Variants in CFB observed in about 807,000 individuals in gnomAD.
CFB encodes the protein B-factor, properdin.
Under a neutral mutation model 97.2 loss-of-function variants are expected in CFB, and 59 were observed. The ratio of observed to expected loss-of-function variants is 0.61; its 90% CI spans 0.49 to 0.75. CFB has a LOEUF of 0.75. Among genes scored for constraint, CFB ranks in the 30% least tolerant of loss-of-function variants. The pLI is 0.00. For synonymous variants in CFB, 316 were observed against 351.7 expected (o/e 0.90, Z 1.14); for missense variants, 771 against 959.8 (o/e 0.80, Z 2.60).
In CFB at chr6:31,949,241, AGG is replaced by A; in HGVS notation, c.1169-1_1169del. On this transcript the variant is annotated splice_acceptor_variant and coding_sequence_variant, in exon 9 of 18. Transcript: ENST00000425368. LOFTEE classifies it high-confidence loss of function. ...ACCCTCATGGTCCTGTCTCTTCTGCAGGATTGCACAACATGGGCGGGGACCCA... is the reference window on the plus strand; with the variant it reads ...ACCCTCATGGTCCTGTCTCTTCTGCAATTGCACAACATGGGCGGGGACCCA... The A allele has an allele frequency of 6.2e-7, 1 of 1,614,010 alleles. No individual in the cohort carries two copies.
Position 31,946,143 on chromosome 6 carries a change from T to C in CFB, c.-79T>C. On this transcript the variant is annotated 5_prime_UTR_variant, in exon 1 of 18. Transcript: ENST00000425368. This position sits in a 1 kb window ranked among gnomAD's most constrained non-coding sequence, Gnocchi z 6.4. ...AGGTCTGGAGTTTCAGCTTGGACACTGAGCCAAGCAGACAAGCAAAGCAAG... is the reference window on the plus strand; with the variant it reads ...AGGTCTGGAGTTTCAGCTTGGACACCGAGCCAAGCAGACAAGCAAAGCAAG... 2.7e-6 allele frequency: 4 copies of C among 1,466,572 alleles called. No homozygotes were observed. The highest frequency in any genetic ancestry group is 3.8e-6 in the Non-Finnish European group (4 of 1,047,458). The allele number at this position is 1,466,572 out of a possible 1,614,324, so 90.8% of individuals were successfully genotyped here.
chr6:31,949,101 C>T (rs1771604524), intron 8 of CFB, 140 bp downstream of exon 8: 8 of 1,438,170 alleles, frequency 5.6e-6, no homozygotes, highest in Admixed American at 5.5e-5. Context: ...CTCCTGTGAC[C>T]CTTCATAAGG....
In CFB at chr6:31,949,502, T is replaced by C. The variant is rs375168705; in HGVS notation, c.1353T>C (p.His451=). 89 of 1,613,720 alleles carry C rather than the reference T, an allele frequency of 5.5e-5. No homozygotes were observed. Among genetic ancestry groups the C allele is most frequent in the African/African-American group, 1.3e-4 (10 of 74,918 alleles). The change falls in exon 10 of 18, where the codon CAT becomes CAC. Residue 451 remains histidine, a synonymous_variant. Transcript: ENST00000425368. ...CTTCCAAGAAAGACAATGAGCAACATGTGTTCAAAGTCAAGGATATGGAAA... is the reference window on the plus strand; with the variant it reads ...CTTCCAAGAAAGACAATGAGCAACACGTGTTCAAAGTCAAGGATATGGAAA... ...ALASKKDNEQ[H]VFKVKDMENL... is the part of the protein sequence containing the mutation.
In CFB at chr6:31,946,622, G is replaced by C. The variant is rs1210135188; in HGVS notation, c.298+16G>C. The C allele has an allele frequency of 6.3e-7, 1 of 1,599,252 alleles. No individual in the cohort carries two copies. The highest frequency in any genetic ancestry group is 8.5e-7 in the Non-Finnish European group (1 of 1,176,064). On this transcript the variant is annotated intron_variant, in intron 2 of 17. Transcript: ENST00000425368. The surrounding 1 kb of genome is among the most constrained non-coding windows in gnomAD (Gnocchi z 6.4). ...GAGTGCAGAGGTTTGAGGGCAATGA[G>C]TGTGGGCAGTGGCCTAAGGCAGAAA... is the stretch of plus-strand genomic sequence containing the variant.
Position 31,946,467 on chromosome 6 carries a change from A to G in CFB, c.159A>G (p.Gln53=). ...EIKGGSFRLL[Q]EGQALEYVCP... is the part of the protein sequence containing the mutation. ...AAGGCGGCTCCTTCCGACTTCTCCA[A>G]GAGGGCCAGGCACTGGAGTACGTGT... The change falls in exon 2 of 18, where the codon CAA becomes CAG. Residue 53 remains glutamine (Q), a synonymous_variant. Transcript: ENST00000425368. This position sits in a 1 kb window ranked among gnomAD's most constrained non-coding sequence, Gnocchi z 6.4. The G allele has an allele frequency of 6.2e-7, 1 of 1,613,032 alleles. No homozygotes were observed.
At position 31,947,263 on chromosome 6, in the gene CFB, C is replaced by G; in HGVS notation, c.484+71C>G. 6.2e-7 allele frequency: 1 copy of G among 1,610,812 alleles called. No individual in the cohort carries two copies. The highest frequency in any genetic ancestry group is 8.5e-7 in the Non-Finnish European group (1 of 1,179,238). On this transcript the variant is annotated intron_variant, in intron 3 of 17. Transcript: ENST00000425368. This position sits in a 1 kb window ranked among gnomAD's most constrained non-coding sequence, Gnocchi z 5.3. ...CCCAGCCCGAGGAGTGGGCACTCGG[C>G]TCCGGACACTGTAACTCTTGCTCTC...
chr6:31,950,842 T>C, intron 13 of CFB, 26 bp from the exon 14 acceptor site: 1 of 1,612,962 alleles, frequency 6.2e-7, no homozygotes, highest in Non-Finnish European at 8.5e-7. Flanking sequence ...GCAGGCCTGG[T>C]TTGCTGTTCT....
At chr6:31,949,070 C>G in intron 8 of CFB, 109 bp downstream of exon 8, 1 of 1,530,634 alleles carries the variant, frequency 6.5e-7, no homozygotes, top group East Asian at 2.3e-5. Context: ...CTGAATGTGA[C>G]TCATAGCTGG....
At position 31,951,217 on chromosome 6, in the gene CFB, G is replaced by A. The variant is rs1269821965; in HGVS notation, c.1929G>A (p.Lys643=). 2.5e-6 allele frequency: 4 copies of A among 1,613,110 alleles called. No individual in the cohort carries two copies. Among genetic ancestry groups the A allele is most frequent in the Admixed American group, 1.7e-5 (1 of 60,020 alleles). ...AGGAGGAGAAAAAGCTGACTCGGAA[G>A]GAGGTCTACATCAAGAATGGGGATA... is the stretch of plus-strand genomic sequence containing the variant. ...VSEEEKKLTR[K]EVYIKNGDKK... The change falls in exon 15 of 18, where the codon AAG becomes AAA. Residue 643 remains lysine (K), a synonymous_variant. Coordinates refer to ENST00000425368, the MANE Select transcript of CFB (RefSeq NM_001710.6). This position sits in a 1 kb window ranked among gnomAD's most constrained non-coding sequence, Gnocchi z 4.3.
chr6:31,950,000 T>C (rs766388952), intron 10 of CFB, 50 bp from the exon 11 acceptor site: 10 of 1,576,548 alleles, frequency 6.3e-6, no homozygotes, highest in South Asian at 1.1e-5. Context: ...GCTGCTGCCA[T>C]TTGGGAATGA....
chr6:31,948,533 G>C, intron 7 of CFB, 21 bp downstream of exon 7: 1 of 1,613,900 alleles, frequency 6.2e-7, no homozygotes, highest in East Asian at 2.2e-5. Context: ...AGGGAATGGT[G>C]GGAGGTTCAC....
chr6:31,951,639 A>G lies in CFB; in HGVS notation c.2139+35A>G, dbSNP rs200620135. 3.7e-6 allele frequency: 6 copies of G among 1,613,900 alleles called. No homozygotes were observed. The highest frequency in any genetic ancestry group is 1.1e-5 in the South Asian group (1 of 91,084). On this transcript the variant is annotated intron_variant, in intron 17 of 17. Coordinates refer to ENST00000425368, the MANE Select transcript of CFB (RefSeq NM_001710.6). This position sits in a 1 kb window ranked among gnomAD's most constrained non-coding sequence, Gnocchi z 4.3. ...CCCTTTCCTATCTGGGGAGATGCCA[A>G]GTGGTCAGCATGGGCCCCAAAGCAG...
In CFB at chr6:31,947,296, C is replaced by T; in HGVS notation, c.485-52C>T. On this transcript the variant is annotated intron_variant, in intron 3 of 17. Transcript: ENST00000425368. This position sits in a 1 kb window ranked among gnomAD's most constrained non-coding sequence, Gnocchi z 5.3. ...ACTGTAACTCTTGCTCTCTACCTTG[C>T]TCACGGGGCCTCAGGCTTCAGTGCT... 1 of 1,612,052 alleles carries T rather than the reference C, an allele frequency of 6.2e-7. No homozygotes were observed. Among genetic ancestry groups the T allele is most frequent in the Non-Finnish European group, 8.5e-7 (1 of 1,179,746 alleles).
intron 10 of CFB, 31 bp downstream of exon 10, chr6:31,949,588 A>G: frequency 6.2e-7 from 1 of 1,611,772 alleles, no homozygotes; most frequent in Non-Finnish European, 8.5e-7. Context: ...AAAGAACACA[A>G]CTCTCCTCAG....
In CFB at chr6:31,946,213, T is replaced by G. The variant is rs1199355149; in HGVS notation, c.-9T>G. On this transcript the variant is annotated 5_prime_UTR_variant, in exon 1 of 18. Coordinates refer to ENST00000425368, the MANE Select transcript of CFB (RefSeq NM_001710.6). The surrounding 1 kb of genome is among the most constrained non-coding windows in gnomAD (Gnocchi z 6.4). ...CCCAGGCCCAGCTTCTCTCCTGCCT[T>G]CCAACGCCATGGGGAGCAATCTCAG... The G allele has an allele frequency of 8.1e-6, 13 of 1,612,950 alleles. No individual in the cohort carries two copies. Among genetic ancestry groups the G allele is most frequent in the Non-Finnish European group, 1.1e-5 (13 of 1,180,026 alleles).
At position 31,951,262 on chromosome 6, in the gene CFB, TAAG is replaced by T; in HGVS notation, c.1956+19_1956+21del. On this transcript the variant is annotated intron_variant, in intron 15 of 17. Coordinates refer to ENST00000425368, the MANE Select transcript of CFB (RefSeq NM_001710.6). This position sits in a 1 kb window ranked among gnomAD's most constrained non-coding sequence, Gnocchi z 4.3. ...GGGATAAGGTGAGAAACGGGCATCC[TAAG>T]GAGGCACTCTAGGCCCCAATCCTTC... The T allele has an allele frequency of 1.2e-6, 2 of 1,613,324 alleles. No homozygotes were observed. Among genetic ancestry groups the T allele is most frequent in the South Asian group, 1.1e-5 (1 of 91,086 alleles).
At position 31,951,086 on chromosome 6, in the gene CFB, G is replaced by A; in HGVS notation, c.1856-58G>A. ...TAGGGGACATCTACTGAGTGACAAA[G>A]GCAATGGGGAGATGACAGTGGTGGG... On this transcript the variant is annotated intron_variant, in intron 14 of 17. Coordinates refer to ENST00000425368, the MANE Select transcript of CFB (RefSeq NM_001710.6). This position sits in a 1 kb window ranked among gnomAD's most constrained non-coding sequence, Gnocchi z 4.3. The A allele has an allele frequency of 6.3e-7, 1 of 1,594,114 alleles. No homozygotes were observed. The highest frequency in any genetic ancestry group is 8.6e-7 in the Non-Finnish European group (1 of 1,163,592).
chr6:31,947,701 T>C lies in CFB; in HGVS notation c.659-41T>C, dbSNP rs1193667806. 2.5e-6 allele frequency: 4 copies of C among 1,605,316 alleles called. No homozygotes were observed. In the Admixed American group the frequency reaches 6.7e-5, roughly 27 times the overall value. On this transcript the variant is annotated intron_variant, in intron 4 of 17. Coordinates refer to ENST00000425368, the MANE Select transcript of CFB (RefSeq NM_001710.6). The surrounding 1 kb of genome is among the most constrained non-coding windows in gnomAD (Gnocchi z 5.3). ...CCCGTCTCTTTGGTCACTGTATCCC[T>C]GACACTCCCAGACATTTGACCTCAT...
chr6:31,947,525 A>G lies in CFB; in HGVS notation c.658+4A>G, dbSNP rs772776161. ...GGGACGGAGCCTTCCTGCCAAGGTG[A>G]CCTTTGACCTGTACCCCCAGGTCAG... is the stretch of plus-strand genomic sequence containing the variant. On this transcript the variant is annotated splice_donor_region_variant and intron_variant, in intron 4 of 17. Transcript: ENST00000425368. This position sits in a 1 kb window ranked among gnomAD's most constrained non-coding sequence, Gnocchi z 5.3. 2 of 1,612,754 alleles carry G rather than the reference A, an allele frequency of 1.2e-6. No individual in the cohort carries two copies. Among genetic ancestry groups the G allele is most frequent in the South Asian group, 1.1e-5 (1 of 91,048 alleles).
Sources: gnomAD v4.1 joint callset for allele counts on GRCh38, gnomAD v4.1.1 for gene constraint, Gnocchi (gnomAD v3.1) non-coding constraint, MANE v1.5 for transcripts, NCBI Gene and HGNC (gene_info 2026-07-23, HGNC 2026-07-21) for gene names.